The following SEMA5A variants were observed in gnomAD, a reference collection of about 807,000 sequenced individuals.
SEMA5A encodes the protein semaphorin-5A.
Under a neutral mutation model 135.5 loss-of-function variants are expected in SEMA5A, and 55 were observed. The observed-to-expected ratio is 0.41, with a 90% CI of 0.33 to 0.51. SEMA5A has a LOEUF of 0.51. Among genes scored for constraint, SEMA5A ranks in the 20% least tolerant of loss-of-function variants. The probability of loss-of-function intolerance (pLI) is 0.37; values close to 1 mark genes in which losing one functional copy is unlikely to be tolerated. For synonymous variants in SEMA5A, 580 were observed against 546.5 expected (o/e 1.06, Z -0.85); for missense variants, 1,290 against 1,419.9 (o/e 0.91, Z 1.47).
At chr5:9,528,033 C>G (rs1737231417) in intron 1 of SEMA5A, among the ~76,000 whole-genome samples, 1 of 152,148 alleles carries the variant, frequency 6.6e-6, no homozygotes, top group African/African-American at 2.4e-5. Flanking sequence ...CGTAGCATTT[C>G]CTTATGTGTC....
At chr5:9,421,554 A>G (rs1421009581) in intron 2 of SEMA5A, among the ~76,000 whole-genome samples, 3 of 152,178 alleles carry the variant, frequency 2.0e-5, no homozygotes, top group Non-Finnish European at 4.4e-5. Flanking sequence ...CAGGGGTTGT[A>G]ATACTGGGTG....
In SEMA5A at chr5:9,190,364, C is replaced by A. The variant is rs781374047; in HGVS notation, c.1176G>T (p.Val392=). The change falls in exon 11 of 23, where the codon GTG becomes GTT. Residue 392 remains valine (V), a synonymous_variant. Transcript: ENST00000382496. ...MHEVVQPVTT[V]PSFMEDNSRF... is the part of the protein sequence containing the mutation. ...GGCTATTGTCCTCCATGAAGGAGGG[C>A]ACTGTGGTCACTGGCTGTACCACCT... 2 of 1,614,024 alleles carry A rather than the reference C, an allele frequency of 1.2e-6. No homozygotes were observed. The highest frequency in any genetic ancestry group is 1.3e-5 in the African/African-American group (1 of 74,990).
chr5:9,305,597 C>T (rs1420695224), intron 5 of SEMA5A, among the ~76,000 whole-genome samples: 1 of 151,544 alleles, frequency 6.6e-6, no homozygotes, highest in East Asian at 1.9e-4. Flanking sequence ...TGATTAGATA[C>T]CAACAAAAGT....
At chr5:9,327,463 A>C (rs909109740) in intron 4 of SEMA5A, among the ~76,000 whole-genome samples, 13 of 152,304 alleles carry the variant, frequency 8.5e-5, no homozygotes, top group African/African-American at 3.1e-4. Flanking sequence ...CTTGGTTATT[A>C]GAAATAAATT....
chr5:9,054,305 C>T, intron 18 of SEMA5A, 48 bp from the exon 19 acceptor site: 2 of 1,573,136 alleles, frequency 1.3e-6, no homozygotes, highest in Non-Finnish European at 1.7e-6. Flanking sequence ...CAATCCCAAC[C>T]AAGTGAAAGG....
At chr5:9,481,093 A>G (rs1579611578) in intron 1 of SEMA5A, among the ~76,000 whole-genome samples, 1 of 152,024 alleles carries the variant, frequency 6.6e-6, no homozygotes, top group Admixed American at 6.6e-5. Context: ...TTACAGGTGC[A>G]TAACTACCAC....
At chr5:9,400,500 C>CTTTTTTTTTTTT (rs1176889691) in intron 2 of SEMA5A, among the ~76,000 whole-genome samples, 2 of 85,414 alleles carry the variant, frequency 2.3e-5, no homozygotes, top group African/African-American at 9.7e-5. Context: ...ACACAATGTA[C>CTTTTTTTTTTTT]ATTTTTTTTT....
intron 1 of SEMA5A, among the ~76,000 whole-genome samples, chr5:9,461,255 GTT>G (rs1462667589): frequency 6.6e-6 from 1 of 152,188 alleles, no homozygotes; most frequent in Non-Finnish European, 1.5e-5. Flanking sequence ...TTCAGATTTG[GTT>G]TTGTTCTCCT....
rs551233554 is a variant in SEMA5A at position 9,099,434 on chromosome 5, G to A, written c.2073+8706C>T. On this transcript the variant is annotated intron_variant, in intron 16 of 22. Coordinates refer to ENST00000382496, the MANE Select transcript of SEMA5A (RefSeq NM_003966.3). ...AGATATAATATCCAGTTTCAGCAAG[G>A]GAGATCAATTATTCCCTTTACGGAA... 3.5e-4 allele frequency among the ~76,000 whole-genome samples: 54 copies of A among 152,242 alleles called. 1 individual carries two copies. The highest frequency in any genetic ancestry group is 1.1e-3 in the African/African-American group (45 of 41,546).
At chr5:9,229,643 A>G (rs1318871912) in intron 6 of SEMA5A, among the ~76,000 whole-genome samples, 1 of 152,056 alleles carries the variant, frequency 6.6e-6, no homozygotes, top group African/African-American at 2.4e-5. Context: ...CAAACAGAAT[A>G]GAAGGGTGAG....
At chr5:9,129,363 G>A (rs1023797116) in intron 13 of SEMA5A, among the ~76,000 whole-genome samples, 2 of 152,230 alleles carry the variant, frequency 1.3e-5, no homozygotes, top group African/African-American at 4.8e-5. Context: ...TAAGGGCAGC[G>A]TTTTCAATCC....
At chr5:9,441,001 C>G (rs896488187) in intron 1 of SEMA5A, among the ~76,000 whole-genome samples, 3 of 152,176 alleles carry the variant, frequency 2.0e-5, no homozygotes, top group African/African-American at 7.2e-5. Flanking sequence ...TTCAAGAAAC[C>G]TAAGAACTGC....
chr5:9,329,184 AC>A (rs1283641998), intron 4 of SEMA5A, among the ~76,000 whole-genome samples: 2 of 151,576 alleles, frequency 1.3e-5, no homozygotes, highest in Admixed American at 6.6e-5. Flanking sequence ...TGTTTTCAGG[AC>A]CCTTTACTCA....
intron 5 of SEMA5A, among the ~76,000 whole-genome samples, chr5:9,302,103 A>C (rs1005418372): frequency 8.5e-5 from 13 of 152,100 alleles, no homozygotes; most frequent in African/African-American, 3.1e-4. Context: ...GTGTGTGTGT[A>C]ATCTTCTTCT....
intron 16 of SEMA5A, among the ~76,000 whole-genome samples, chr5:9,106,055 A>C (rs1739895295): frequency 6.6e-6 from 1 of 152,202 alleles, no homozygotes; most frequent in South Asian, 2.1e-4. Flanking sequence ...TGCATGGGAG[A>C]AGACACGTCA....
At chr5:9,458,550 G>A (rs959113567) in intron 1 of SEMA5A, among the ~76,000 whole-genome samples, 7 of 152,180 alleles carry the variant, frequency 4.6e-5, no homozygotes, top group African/African-American at 1.4e-4. Flanking sequence ...CACCCAGCAC[G>A]CCAAGGCAGC....
intron 5 of SEMA5A, among the ~76,000 whole-genome samples, chr5:9,277,390 G>A (rs909083449): frequency 3.3e-5 from 5 of 152,118 alleles, no homozygotes; most frequent in African/African-American, 1.2e-4. Flanking sequence ...GTTCAACAAT[G>A]GTGGAGGACA....
chr5:9,079,728 T>C (rs1579353833), intron 16 of SEMA5A, among the ~76,000 whole-genome samples: 1 of 151,692 alleles, frequency 6.6e-6, no homozygotes, highest in East Asian at 1.9e-4. Context: ...CATCAAAAAG[T>C]GGGTGAAGGA....
chr5:9,224,916 T>C (rs1331127911), intron 7 of SEMA5A, 29 bp from the exon 8 acceptor site: 1 of 1,592,852 alleles, frequency 6.3e-7, no homozygotes, highest in Admixed American at 1.7e-5. Flanking sequence ...GGGAAAGCAG[T>C]TATCTCTGCA....
Sources: allele counts gnomAD v4.1 joint callset (sites outside exome capture counted in the v4.1 genomes callset), GRCh38; gene constraint gnomAD v4.1.1; transcripts MANE v1.5; gene names NCBI Gene and HGNC (gene_info 2026-07-23, HGNC 2026-07-21).